The following LYPD6B variants were observed in gnomAD, a reference collection of about 807,000 sequenced individuals.
The protein encoded by LYPD6B is ly6/PLAUR domain-containing protein 6B.
LYPD6B carries 17 observed loss-of-function variants against 22.8 expected under a neutral mutation model. The ratio of observed to expected loss-of-function variants is 0.75; its 90% CI spans 0.51 to 1.12. The LOEUF is 1.12. Among genes scored for constraint, LYPD6B ranks in the 50% most tolerant of loss-of-function variants. The pLI, the probability that LYPD6B is intolerant of heterozygous loss-of-function variation, is 0.00. For missense variants in LYPD6B, 221 were observed against 258.3 expected (o/e 0.86, Z 0.99); for synonymous variants, 106 against 91.6 (o/e 1.16, Z -0.90).
At chr2:149,185,909 C>G in intron 3 of LYPD6B, among the ~76,000 whole-genome samples, 1 of 152,154 alleles carries the variant, frequency 6.6e-6, no homozygotes, top group Non-Finnish European at 1.5e-5. Flanking sequence ...GAAATATACC[C>G]ATATAAGGTG....
At chr2:149,070,810 G>GA (rs1362063889) in intron 1 of LYPD6B, among the ~76,000 whole-genome samples, 2 of 152,194 alleles carry the variant, frequency 1.3e-5, no homozygotes, top group African/African-American at 4.8e-5. Context: ...CATGTTCTGT[G>GA]AAACCAGTAA....
chr2:149,066,208 G>C (rs867732765), intron 1 of LYPD6B, among the ~76,000 whole-genome samples: 4 of 150,906 alleles, frequency 2.7e-5, no homozygotes, highest in South Asian at 2.1e-4. Context: ...TTAAGTTTTA[G>C]GGTACATGTG....
intron 2 of LYPD6B, among the ~76,000 whole-genome samples, chr2:149,131,790 A>G (rs1688046933): frequency 6.6e-6 from 1 of 152,202 alleles, no homozygotes; most frequent in Non-Finnish European, 1.5e-5. Context: ...GAAAATTTCC[A>G]AACATAAAGC....
intron 1 of LYPD6B, among the ~76,000 whole-genome samples, chr2:149,104,602 T>C (rs1686378408): frequency 6.6e-6 from 1 of 152,244 alleles, no homozygotes; most frequent in Admixed American, 6.5e-5. Flanking sequence ...CATTCTTATA[T>C]ATTCTGTATG....
intron 2 of LYPD6B, among the ~76,000 whole-genome samples, chr2:149,149,966 A>G (rs1185882787): frequency 1.3e-5 from 2 of 152,168 alleles, no homozygotes; most frequent in African/African-American, 4.8e-5. Flanking sequence ...TTCTTGTCTT[A>G]TCAGTTTGGG....
At chr2:149,094,914 A>G (rs1326179373) in intron 1 of LYPD6B, among the ~76,000 whole-genome samples, 1 of 151,734 alleles carries the variant, frequency 6.6e-6, no homozygotes, top group Admixed American at 6.6e-5. Context: ...TTGTTGTATC[A>G]TTATTCTGGC....
At chr2:149,061,163 C>G (rs953060936) in intron 1 of LYPD6B, among the ~76,000 whole-genome samples, 1 of 150,448 alleles carries the variant, frequency 6.6e-6, no homozygotes, top group African/African-American at 2.4e-5. Context: ...CAGGCATGCT[C>G]TGTAGCCTTT....
chr2:149,147,222 A>G (rs1311794004), intron 2 of LYPD6B, among the ~76,000 whole-genome samples: 3 of 20,626 alleles, frequency 1.5e-4, no homozygotes, highest in Non-Finnish European at 2.3e-4. Context: ...AAACAAAAAC[A>G]AAACAAAAAA....
At chr2:149,059,662 A>G (rs987072614) in intron 1 of LYPD6B, among the ~76,000 whole-genome samples, 6 of 152,100 alleles carry the variant, frequency 3.9e-5, no homozygotes, top group African/African-American at 1.2e-4. Flanking sequence ...CATTCTCACT[A>G]TGGGAGCAGG....
chr2:149,072,838 G>A (rs1289877471), intron 1 of LYPD6B, among the ~76,000 whole-genome samples: 1 of 152,048 alleles, frequency 6.6e-6, no homozygotes, highest in Non-Finnish European at 1.5e-5. Flanking sequence ...TGCCTGGCCT[G>A]GATTTGCAAT....
intron 1 of LYPD6B, among the ~76,000 whole-genome samples, chr2:149,084,939 G>A (rs988033172): frequency 5.3e-5 from 8 of 152,198 alleles, no homozygotes; most frequent in East Asian, 3.9e-4. Context: ...CTGGGAAAGA[G>A]TAGCCACAGA....
At chr2:149,206,650 A>C (rs1405320986) in intron 4 of LYPD6B, among the ~76,000 whole-genome samples, 1 of 152,146 alleles carries the variant, frequency 6.6e-6, no homozygotes, top group African/African-American at 2.4e-5. Flanking sequence ...TTCCAAAGAG[A>C]CGGAAAACAT....
chr2:149,128,055 A>G (rs985354462), intron 1 of LYPD6B, among the ~76,000 whole-genome samples: 5 of 152,224 alleles, frequency 3.3e-5, no homozygotes, highest in Middle Eastern at 3.2e-3. Context: ...CTCGTTTAAA[A>G]GATGTTTTCA....
Position 149,138,905 on chromosome 2 carries a change from A to G in LYPD6B, c.5+7952A>G, listed in dbSNP as rs186323115. Among the ~76,000 whole-genome samples the G allele has an allele frequency of 4.1e-4, 63 of 152,302 alleles. 1 individual carries two copies. The highest frequency in any genetic ancestry group is 3.7e-3 in the Admixed American group (57 of 15,298). On this transcript the variant is annotated intron_variant, in intron 2 of 6. Transcript: ENST00000409642. ...GCATATGTTCAACATTCTCCAAAAC[A>G]ATTTTTGCAGTGTTATATTTTCTAA...
At chr2:149,124,810 A>C (rs1301465120) in intron 1 of LYPD6B, among the ~76,000 whole-genome samples, 1 of 152,132 alleles carries the variant, frequency 6.6e-6, no homozygotes, top group Non-Finnish European at 1.5e-5. Flanking sequence ...TTCCAATTGC[A>C]GTGTTGCTCA....
At chr2:149,137,196 T>G (rs1688418150) in intron 2 of LYPD6B, among the ~76,000 whole-genome samples, 1 of 152,186 alleles carries the variant, frequency 6.6e-6, no homozygotes, top group Non-Finnish European at 1.5e-5. Context: ...GAGGGGGAAC[T>G]GGATGAGTGA....
intron 1 of LYPD6B, among the ~76,000 whole-genome samples, chr2:149,073,613 T>G (rs1393884749): frequency 2.6e-5 from 4 of 152,032 alleles, no homozygotes; most frequent in African/African-American, 9.7e-5. Flanking sequence ...TGAGGCCCCC[T>G]TTTCTTCCAC....
chr2:149,154,415 C>G (rs931552622), intron 2 of LYPD6B, among the ~76,000 whole-genome samples: 3 of 152,136 alleles, frequency 2.0e-5, no homozygotes, highest in Non-Finnish European at 4.4e-5. Flanking sequence ...CCAACCCTGC[C>G]AGCATCTTTG....
intron 4 of LYPD6B, among the ~76,000 whole-genome samples, chr2:149,206,812 T>C (rs1400502378): frequency 6.6e-6 from 1 of 152,104 alleles, no homozygotes; most frequent in Non-Finnish European, 1.5e-5. Context: ...TTTCCCTCTT[T>C]ATACATATTT....
Sources: gnomAD v4.1 joint callset for allele counts (sites outside exome capture counted in the v4.1 genomes callset) on GRCh38, gnomAD v4.1.1 for gene constraint, MANE v1.5 for transcripts, NCBI Gene and HGNC (gene_info 2026-07-23, HGNC 2026-07-21) for gene names.